Variants in SHISAL1 observed in about 807,000 individuals in gnomAD.
The protein encoded by SHISAL1 is shisa like 1.
A neutral mutation model predicts 22.6 loss-of-function variants in SHISAL1; 9 were observed. That is an observed-to-expected ratio of 0.40 (90% CI 0.24 to 0.70). SHISAL1 has a LOEUF of 0.70. Among genes scored for constraint, SHISAL1 ranks in the 30% least tolerant of loss-of-function variants. SHISAL1 has a pLI of 0.39. For synonymous variants in SHISAL1, 119 were observed against 115.4 expected, an observed-to-expected ratio of 1.03 and a Z score of -0.20; for missense variants, 246 against 270.6, an observed-to-expected ratio of 0.91 and a Z score of 0.64.
chr22:44,305,580 C>G (rs1011159019), intron 1 of SHISAL1, among the ~76,000 whole-genome samples: 3 of 152,220 alleles, frequency 2.0e-5, no homozygotes, highest in Admixed American at 6.5e-5. Flanking sequence ...CTTAGGAGTT[C>G]CAGGGACTGG....
chr22:44,331,372 G>T, the SHISAL1 span, among the ~76,000 whole-genome samples: 1 of 119,286 alleles, frequency 8.4e-6, no homozygotes, highest in East Asian at 2.4e-4. The surrounding 1 kb of genome is among the most constrained non-coding windows in gnomAD (Gnocchi z 5.2). Context: ...CCCCCCACTC[G>T]CCCAGACCCT....
chr22:44,259,472 T>C (rs1247333087), intron 4 of SHISAL1, among the ~76,000 whole-genome samples: 1 of 102,528 alleles, frequency 9.8e-6, no homozygotes, highest in Non-Finnish European at 2.2e-5. Context: ...ATAAAAATTA[T>C]TAAAAAAAAA....
At chr22:44,272,415 G>A (rs935391233) in intron 4 of SHISAL1, among the ~76,000 whole-genome samples, 31 of 152,164 alleles carry the variant, frequency 2.0e-4, no homozygotes, top group Non-Finnish European at 7.3e-5. Context: ...GCAGGGGCCC[G>A]GCCTTTTTCA....
chr22:44,245,876 G>A lies in SHISAL1; in HGVS notation c.*3809C>T, dbSNP rs1371567315. The A allele has an allele frequency of 1.3e-5, 2 of 152,244 alleles. No homozygotes were observed. Among genetic ancestry groups the A allele is most frequent in the African/African-American group, 4.8e-5 (2 of 41,448 alleles). 9.4% of individuals were successfully genotyped at this position (152,244 alleles called of 1,614,324 possible). ...TTGACTGAATCTTTCTGATGATGAG[G>A]GGAGATGCCACTCACCCTGGGAACA... On this transcript the variant is annotated 3_prime_UTR_variant, in exon 5 of 5. Transcript: ENST00000381176.
At chr22:44,275,251 A>G (rs1024722468) in intron 4 of SHISAL1, among the ~76,000 whole-genome samples, 2 of 152,222 alleles carry the variant, frequency 1.3e-5, no homozygotes, top group African/African-American at 4.8e-5. Context: ...GGGCTGGGAA[A>G]GACCTTCACA....
At chr22:44,281,890 G>A (rs981658304) in intron 4 of SHISAL1, among the ~76,000 whole-genome samples, 6 of 152,212 alleles carry the variant, frequency 3.9e-5, no homozygotes, top group Admixed American at 3.9e-4. Context: ...TCCTAACTCA[G>A]TTATAAATCC....
At chr22:44,299,130 C>T (rs967241685) in intron 2 of SHISAL1, among the ~76,000 whole-genome samples, 3 of 152,154 alleles carry the variant, frequency 2.0e-5, no homozygotes, top group African/African-American at 4.8e-5. Flanking sequence ...AGGGGCCCTA[C>T]GAGCACTAGA....
At chr22:44,274,940 T>C (rs1278660127) in intron 4 of SHISAL1, among the ~76,000 whole-genome samples, 2 of 152,188 alleles carry the variant, frequency 1.3e-5, no homozygotes, top group Non-Finnish European at 2.9e-5. Flanking sequence ...TTGTGGCCAT[T>C]GTACTGACGG....
intron 3 of SHISAL1, among the ~76,000 whole-genome samples, chr22:44,291,769 C>A (rs2055354062): frequency 6.7e-6 from 1 of 150,086 alleles, no homozygotes; most frequent in African/African-American, 2.4e-5. Context: ...GAGAGACTTT[C>A]CCTGTCCCCA....
At chr22:44,317,824 G>A (rs182956295), upstream of SHISAL1, among the ~76,000 whole-genome samples, 111 of 152,360 alleles carry the variant, frequency 7.3e-4, no homozygotes, top group Non-Finnish European at 1.5e-3. Context: ...TCCACTTTCT[G>A]TTGAATCCTT....
chr22:44,309,469 G>A (rs2055502644), intron 1 of SHISAL1, among the ~76,000 whole-genome samples: 1 of 152,136 alleles, frequency 6.6e-6, no homozygotes, highest in South Asian at 2.1e-4. Flanking sequence ...CCGAGCCCAG[G>A]GCAGAGCACG....
intron 3 of SHISAL1, among the ~76,000 whole-genome samples, chr22:44,289,120 C>T (rs2055335638): frequency 6.6e-6 from 1 of 152,196 alleles, no homozygotes; most frequent in Admixed American, 6.5e-5. Flanking sequence ...AATTGTTATG[C>T]GCCAGTGCCC....
At chr22:44,266,528 A>ATG (rs11473448) in intron 4 of SHISAL1, among the ~76,000 whole-genome samples, 5,724 of 107,982 alleles carry the variant, frequency 0.053, 405 homozygotes, top group East Asian at 0.33. Context: ...GCTTTGGGGT[A>ATG]TGTGTGTGTG....
chr22:44,294,013 C>T (rs1569221332), intron 3 of SHISAL1, among the ~76,000 whole-genome samples: 1 of 152,214 alleles, frequency 6.6e-6, no homozygotes, highest in South Asian at 2.1e-4. Context: ...TCCCAGACAC[C>T]AGTCACCAGA....
Position 44,259,467 on chromosome 22 carries a change from A to C in SHISAL1, c.*-9782T>G, listed in dbSNP as rs527846570. On this transcript the variant is annotated intron_variant, in intron 4 of 4. Transcript: ENST00000381176. Reference sequence around the variant, plus strand: ...TAGAATAGAATAAAAATAAAATAAAAATTATTAAAAAAAAAAAAAGAAACA... The same window carrying C: ...TAGAATAGAATAAAAATAAAATAAACATTATTAAAAAAAAAAAAAGAAACA... Among the ~76,000 whole-genome samples, 5 of 122,040 alleles carry C rather than the reference A, an allele frequency of 4.1e-5. No individual in the cohort carries two copies. The South Asian group carries it at 1.4e-3, about 35-fold the overall frequency. 80.1% of individuals were successfully genotyped at this position (122,040 alleles called of 152,430 possible).
intron 1 of SHISAL1, 132 bp from the exon 2 acceptor site, chr22:44,301,109 C>T (rs1236783422): frequency 3.2e-5 from 19 of 587,014 alleles, no homozygotes; most frequent in East Asian, 5.9e-5. Context: ...GGGCCGGGTG[C>T]GGACGATGGA....
intron 4 of SHISAL1, among the ~76,000 whole-genome samples, chr22:44,278,138 A>G (rs577364768): frequency 6.6e-6 from 1 of 152,328 alleles, no homozygotes; most frequent in East Asian, 1.9e-4. Flanking sequence ...GGCACCATCT[A>G]ATCAGCTGCC....
chr22:44,273,875 A>G (rs1484765402), intron 4 of SHISAL1, among the ~76,000 whole-genome samples: 2 of 152,228 alleles, frequency 1.3e-5, no homozygotes, highest in Non-Finnish European at 2.9e-5. Flanking sequence ...AGGAAATACA[A>G]TTAATTAACA....
intron 4 of SHISAL1, among the ~76,000 whole-genome samples, chr22:44,282,369 G>A (rs2055282510): frequency 1.3e-5 from 2 of 152,320 alleles, no homozygotes; most frequent in African/African-American, 4.8e-5. Flanking sequence ...ACCTCCCCTG[G>A]CATCACCTGA....
Sources: gnomAD v4.1 joint callset for allele counts (sites outside exome capture counted in the v4.1 genomes callset) on GRCh38, gnomAD v4.1.1 for gene constraint, Gnocchi (gnomAD v3.1) non-coding constraint, MANE v1.5 for transcripts, NCBI Gene and HGNC (gene_info 2026-07-23, HGNC 2026-07-21) for gene names.